Variants in ADGRA1 observed in about 807,000 individuals in gnomAD.
ADGRA1 encodes G-protein coupled receptor 123.
In ADGRA1, 12 loss-of-function variants were observed where a neutral mutation model predicts 21.3. The ratio of observed to expected loss-of-function variants is 0.56; its 90% CI spans 0.36 to 0.91. The LOEUF (loss-of-function observed/expected upper bound fraction) is 0.91. ADGRA1 is among the 40% of genes least tolerant of loss of function. The pLI, the probability that ADGRA1 is intolerant of heterozygous loss-of-function variation, is 0.01. For missense variants in ADGRA1, 790 were observed against 805.6 expected (o/e 0.98, Z 0.23); for synonymous variants, 385 against 368.8 (o/e 1.04, Z -0.50).
chr10:133,127,066 CGGTCAGT>C (rs1333394371), intron 5 of ADGRA1, among the ~76,000 whole-genome samples, 160 bp from the exon 6 acceptor site: 1 of 137,672 alleles, frequency 7.3e-6, no homozygotes, highest in Non-Finnish European at 1.6e-5. Context: ...ACTGGCTGCT[CGGTCAGT>C]GGTCGGGGGT....
At chr10:133,108,394 C>T (rs1380939932) in intron 5 of ADGRA1, among the ~76,000 whole-genome samples, 1 of 152,124 alleles carries the variant, frequency 6.6e-6, no homozygotes, top group African/African-American at 2.4e-5. Flanking sequence ...GGACTCTTGG[C>T]ACTGCTAAAT....
chr10:133,102,163 C>A (rs1851806742), intron 4 of ADGRA1: 2 of 451,232 alleles, frequency 4.4e-6, no homozygotes, highest in Admixed American at 2.4e-5. Context: ...GAATGCCGGC[C>A]CCGTGGGGGG....
At chr10:133,091,345 C>T (rs905166215) in intron 2 of ADGRA1, among the ~76,000 whole-genome samples, 1 of 151,282 alleles carries the variant, frequency 6.6e-6, no homozygotes, top group Non-Finnish European at 1.5e-5. Flanking sequence ...GTGTGGTTGC[C>T]GTGGGATGGG....
intron 5 of ADGRA1, among the ~76,000 whole-genome samples, chr10:133,119,234 AC>A (rs1270109530): frequency 2.9e-4 from 42 of 144,850 alleles, no homozygotes; most frequent in Non-Finnish European, 7.5e-5. Context: ...GTCTCCGCGG[AC>A]CTTACAGCCA....
At chr10:133,128,258 T>G in intron 6 of ADGRA1, 71 bp from the exon 7 acceptor site, 2 of 1,228,152 alleles carry the variant, frequency 1.6e-6, no homozygotes, top group Non-Finnish European at 2.2e-6. Context: ...GCAGGGCCCT[T>G]TGCTCTGCAG....
At chr10:133,124,746 G>A (rs982400612) in intron 5 of ADGRA1, among the ~76,000 whole-genome samples, 6 of 152,258 alleles carry the variant, frequency 3.9e-5, no homozygotes, top group East Asian at 1.9e-4. Context: ...ACAACTCCCC[G>A]GACACCGGTG....
Position 133,130,786 on chromosome 10 carries a change from A to G in ADGRA1, c.*1275A>G, listed in dbSNP as rs1299713915. 1 of 148,756 alleles carries G rather than the reference A, an allele frequency of 6.7e-6. No homozygotes were observed. Among genetic ancestry groups the G allele is most frequent in the Non-Finnish European group, 1.5e-5 (1 of 68,016 alleles). The allele number at this position is 148,756 out of a possible 1,614,324, so 9.2% of individuals were successfully genotyped here. A position where few individuals can be genotyped will look rare whatever the true frequency, so the allele number is the denominator to read the frequency against. ...ACACAAACACGTGCATATCACACAC[A>G]TGCACACAAACGTGCATATCACACA... is the stretch of plus-strand genomic sequence containing the variant. On this transcript the variant is annotated 3_prime_UTR_variant, in exon 7 of 7. Transcript: ENST00000392607.
chr10:133,104,644 G>T (rs1251037705), intron 5 of ADGRA1, among the ~76,000 whole-genome samples: 1 of 152,158 alleles, frequency 6.6e-6, no homozygotes, highest in African/African-American at 2.4e-5. Context: ...TGTAAGAAAG[G>T]TCTTGACATT....
At chr10:133,094,537 C>T (rs1851655834) in intron 2 of ADGRA1, among the ~76,000 whole-genome samples, 1 of 152,132 alleles carries the variant, frequency 6.6e-6, no homozygotes, top group African/African-American at 2.4e-5. Context: ...TGAGAGGACG[C>T]GTGAGGGCCC....
intron 2 of ADGRA1, among the ~76,000 whole-genome samples, chr10:133,089,374 G>C (rs997798375): frequency 2.0e-5 from 3 of 152,228 alleles, no homozygotes; most frequent in Admixed American, 1.3e-4. Context: ...CAGCAGTGGA[G>C]GCTGTGGCGG....
At chr10:133,101,197 C>T (rs2135875654) in intron 4 of ADGRA1, among the ~76,000 whole-genome samples, 1 of 152,338 alleles carries the variant, frequency 6.6e-6, no homozygotes, top group Admixed American at 6.5e-5. Flanking sequence ...GCTGATCCGC[C>T]TTCCCGCCTG....
chr10:133,129,820 G>T lies in ADGRA1; in HGVS notation c.*309G>T. On this transcript the variant is annotated 3_prime_UTR_variant, in exon 7 of 7. Coordinates refer to ENST00000392607, the MANE Select transcript of ADGRA1 (RefSeq NM_001083909.3). Reference sequence around the variant, plus strand: ...CACGGTCATCCGGTTTCTGTCCTGTGGTCTCCAGTCCTGGGGCACCCTAGA... The same window carrying T: ...CACGGTCATCCGGTTTCTGTCCTGTTGTCTCCAGTCCTGGGGCACCCTAGA... 1 of 354,426 alleles carries T rather than the reference G, an allele frequency of 2.8e-6. No homozygotes were observed. Among genetic ancestry groups the T allele is most frequent in the Non-Finnish European group, 5.3e-6 (1 of 189,678 alleles). The allele number at this position is 354,426 out of a possible 1,614,324, so 22.0% of individuals were successfully genotyped here.
Position 133,096,977 on chromosome 10 carries a change from C to G in ADGRA1, c.7C>G (p.Leu3Val), listed in dbSNP as rs1851700166. Residue 3 changes from leucine to valine, a missense_variant, in exon 3 of 7, where the codon CTG becomes GTG. Physicochemically the swap from Leu to Val is conservative, Grantham distance 32. This residue lies in a region of ADGRA1 where 382 missense variants were observed against 415.6 expected (regional missense o/e 0.92). Transcript: ENST00000392607. The part of the protein sequence containing the change: MD[L>V]KTVLSLPRYP... ...GTCTCCTTTGCTTTATCCTCAGGAT[C>G]TGAAGACAGTGCTCTCCCTGCCCCG... The G allele has an allele frequency of 6.2e-7, 1 of 1,612,434 alleles. No individual in the cohort carries two copies. Among genetic ancestry groups the G allele is most frequent in the East Asian group, 2.2e-5 (1 of 44,828 alleles).
chr10:133,114,827 C>T (rs562728848), intron 5 of ADGRA1, among the ~76,000 whole-genome samples: 41 of 152,304 alleles, frequency 2.7e-4, no homozygotes, highest in Non-Finnish European at 5.0e-4. Context: ...GTCTGCTGCC[C>T]GGTCCTGCTC....
At chr10:133,088,625 C>A in intron 1 of ADGRA1, 83 bp from the exon 2 acceptor site, 1 of 906,982 alleles carries the variant, frequency 1.1e-6, no homozygotes, top group Non-Finnish European at 1.4e-6. Context: ...GGGGCCGCGG[C>A]TGCTCCCTGG....
chr10:133,113,172 GT>G (rs1852093376), intron 5 of ADGRA1, among the ~76,000 whole-genome samples: 1 of 147,820 alleles, frequency 6.8e-6, no homozygotes, highest in Admixed American at 6.7e-5. Flanking sequence ...TGTAAGCCGC[GT>G]CGGTTATTTG....
At chr10:133,104,720 C>T (rs1017771801) in intron 5 of ADGRA1, among the ~76,000 whole-genome samples, 55 of 152,222 alleles carry the variant, frequency 3.6e-4, no homozygotes, top group African/African-American at 7.7e-4. Flanking sequence ...CCTGCCTCGT[C>T]GCTCCGCCTC....
At chr10:133,091,844 G>A (rs535273076) in intron 2 of ADGRA1, among the ~76,000 whole-genome samples, 25 of 152,310 alleles carry the variant, frequency 1.6e-4, no homozygotes, top group Non-Finnish European at 2.8e-4. Context: ...GCCAAAGGGT[G>A]AAGACCTCCA....
intron 6 of ADGRA1, among the ~76,000 whole-genome samples, chr10:133,127,750 G>C (rs947742296): frequency 3.7e-5 from 5 of 134,158 alleles, no homozygotes; most frequent in African/African-American, 1.4e-4. Flanking sequence ...CCGCCCGTCT[G>C]CCCTCCGCCT....
Sources: allele counts gnomAD v4.1 joint callset (sites outside exome capture counted in the v4.1 genomes callset), GRCh38; gene constraint gnomAD v4.1.1; regional missense constraint gnomAD v4.1.1; transcripts MANE v1.5; gene names NCBI Gene and HGNC (gene_info 2026-07-23, HGNC 2026-07-21).